Variants in ARHGAP18 observed in about 807,000 individuals in gnomAD.
The protein encoded by ARHGAP18 is rho GTPase-activating protein 18.
In ARHGAP18, 67 loss-of-function variants were observed where a neutral mutation model predicts 86.2. That is an observed-to-expected ratio of 0.78 (90% CI 0.64 to 0.95). The LOEUF (loss-of-function observed/expected upper bound fraction) is 0.95. Among genes scored for constraint, ARHGAP18 ranks in the 40% least tolerant of loss-of-function variants. The probability of loss-of-function intolerance (pLI) is 0.00; values close to 1 mark genes in which losing one functional copy is unlikely to be tolerated. For missense variants in ARHGAP18, 691 were observed against 780.4 expected (o/e 0.89, Z 1.37); for synonymous variants, 283 against 280.4 (o/e 1.01, Z -0.09).
intron 2 of ARHGAP18, among the ~76,000 whole-genome samples, chr6:129,639,999 T>C (rs1554337865): frequency 7.1e-6 from 1 of 140,550 alleles, no homozygotes; most frequent in South Asian, 2.2e-4. Context: ...GAACCGAGAT[T>C]GTGCCACTGT....
chr6:129,657,080 C>G (rs1017759972), intron 1 of ARHGAP18, among the ~76,000 whole-genome samples: 2 of 152,160 alleles, frequency 1.3e-5, no homozygotes, highest in Non-Finnish European at 2.9e-5. Context: ...TTCAGATTGG[C>G]TCTTACTCTG....
intron 1 of ARHGAP18, among the ~76,000 whole-genome samples, chr6:129,667,955 A>T (rs1340194164): frequency 6.6e-6 from 1 of 152,244 alleles, no homozygotes; most frequent in African/African-American, 2.4e-5. Flanking sequence ...AAAGACATGC[A>T]CATCTATCAA....
At chr6:129,665,647 T>C (rs6922711) in intron 1 of ARHGAP18, among the ~76,000 whole-genome samples, 79,169 of 152,076 alleles carry the variant, frequency 0.52, 21,469 homozygotes, top group African/African-American at 0.68. Flanking sequence ...TAAAATGCTC[T>C]AAAATACAAA....
At chr6:129,675,672 C>G (rs1774219844) in intron 1 of ARHGAP18, among the ~76,000 whole-genome samples, 3 of 152,312 alleles carry the variant, frequency 2.0e-5, no homozygotes, top group South Asian at 2.1e-4. Context: ...AAGGAAACAG[C>G]TGGGTTCCCA....
chr6:129,602,696 T>A (rs555208268), intron 10 of ARHGAP18, among the ~76,000 whole-genome samples: 3 of 152,258 alleles, frequency 2.0e-5, no homozygotes, highest in Admixed American at 6.5e-5. Context: ...TGTTCTCAAA[T>A]GAGGACAAAA....
In ARHGAP18 at chr6:129,611,506, TTTACATTAGTAGAACCCAGAGA is replaced by T. The variant is rs1341110802; in HGVS notation, c.1122+5_1122+26del. On this transcript the variant is annotated splice_donor_5th_base_variant and intron_variant, in intron 8 of 14. Coordinates refer to ENST00000368149, the MANE Select transcript of ARHGAP18 (RefSeq NM_033515.3). Reference sequence around the variant, plus strand: ...ATAAGTGTAAATAAACAATAAAATGTTTACATTAGTAGAACCCAGAGATTACCTTGATTCTAATGGCAGCTCC... The same window carrying T: ...ATAAGTGTAAATAAACAATAAAATGTTTACCTTGATTCTAATGGCAGCTCC... 6.3e-7 allele frequency: 1 copy of T among 1,599,790 alleles called. No homozygotes were observed. Among genetic ancestry groups the T allele is most frequent in the South Asian group, 1.1e-5 (1 of 90,650 alleles).
At chr6:129,660,057 G>C (rs1457919679) in intron 1 of ARHGAP18, among the ~76,000 whole-genome samples, 1 of 152,186 alleles carries the variant, frequency 6.6e-6, no homozygotes, top group Admixed American at 6.5e-5. Flanking sequence ...CAACCCCCTG[G>C]GGGAGGGAGA....
intron 1 of ARHGAP18, among the ~76,000 whole-genome samples, chr6:129,701,762 T>C (rs1774714546): frequency 6.6e-6 from 1 of 151,626 alleles, no homozygotes; most frequent in Non-Finnish European, 1.5e-5. Context: ...AGAGCGAGAT[T>C]CCATCTCAAA....
chr6:129,599,768 T>G (rs1245813162), intron 11 of ARHGAP18, among the ~76,000 whole-genome samples: 1 of 152,066 alleles, frequency 6.6e-6, no homozygotes, highest in Admixed American at 6.6e-5. Context: ...AGCTAGCCGC[T>G]GCTGTCATGA....
At chr6:129,624,042 ATTAG>A (rs1789287836) in intron 5 of ARHGAP18, among the ~76,000 whole-genome samples, 2 of 152,178 alleles carry the variant, frequency 1.3e-5, no homozygotes, top group South Asian at 4.1e-4. Context: ...GTGAAGGTAA[ATTAG>A]TTAAACAGAG....
At chr6:129,608,756 A>G (rs1788912783) in intron 8 of ARHGAP18, among the ~76,000 whole-genome samples, 1 of 152,190 alleles carries the variant, frequency 6.6e-6, no homozygotes, top group Non-Finnish European at 1.5e-5. Flanking sequence ...CTTCTTTACT[A>G]TATATAAATC....
intron 12 of ARHGAP18, among the ~76,000 whole-genome samples, chr6:129,588,202 C>T (rs746184321): frequency 2.0e-5 from 3 of 151,726 alleles, no homozygotes; most frequent in Non-Finnish European, 4.4e-5. Context: ...ACTACAACCT[C>T]TGCCTCCTGG....
intron 4 of ARHGAP18, among the ~76,000 whole-genome samples, chr6:129,630,842 C>G (rs1202578396): frequency 6.6e-6 from 1 of 152,108 alleles, no homozygotes; most frequent in Non-Finnish European, 1.5e-5. Context: ...TTGTCCCTGA[C>G]CTTGCAAATT....
chr6:129,606,509 T>C (rs1788856868), intron 9 of ARHGAP18, among the ~76,000 whole-genome samples: 1 of 152,070 alleles, frequency 6.6e-6, no homozygotes, highest in Admixed American at 6.5e-5. Context: ...ATTGATGTTA[T>C]CATTTTCAGC....
At chr6:129,616,361 A>C in intron 6 of ARHGAP18, 58 bp from the exon 7 acceptor site, 1 of 1,349,696 alleles carries the variant, frequency 7.4e-7, no homozygotes, top group South Asian at 1.3e-5. Context: ...TATTAATATA[A>C]AAATGTTAAA....
At chr6:129,707,827 GT>G (rs1468996569) in intron 1 of ARHGAP18, among the ~76,000 whole-genome samples, 2 of 151,756 alleles carry the variant, frequency 1.3e-5, no homozygotes, top group Non-Finnish European at 2.9e-5. Context: ...TAAGAGTTTT[GT>G]TTTGTTTTTA....
intron 1 of ARHGAP18, among the ~76,000 whole-genome samples, chr6:129,701,350 G>A (rs1335135912): frequency 6.6e-6 from 1 of 152,132 alleles, no homozygotes; most frequent in Non-Finnish European, 1.5e-5. Flanking sequence ...CCTTTGTCCA[G>A]GAATCTCACT....
At chr6:129,708,999 C>T (rs540417839) in intron 1 of ARHGAP18, among the ~76,000 whole-genome samples, 4 of 152,270 alleles carry the variant, frequency 2.6e-5, no homozygotes, top group Admixed American at 2.6e-4. Context: ...CTGAGTATTA[C>T]AGCCATTCCT....
At chr6:129,707,428 G>A (rs1218839217) in intron 1 of ARHGAP18, among the ~76,000 whole-genome samples, 1 of 152,002 alleles carries the variant, frequency 6.6e-6, no homozygotes, top group African/African-American at 2.4e-5. Flanking sequence ...TTTTAAATGG[G>A]TAGGAGGAAA....
Sources: allele counts gnomAD v4.1 joint callset (sites outside exome capture counted in the v4.1 genomes callset), GRCh38; gene constraint gnomAD v4.1.1; transcripts MANE v1.5; gene names NCBI Gene and HGNC (gene_info 2026-07-23, HGNC 2026-07-21).